Variants in ST6GALNAC3 observed in about 807,000 individuals in gnomAD.
ST6GALNAC3 encodes the protein ST6 N-acetylgalactosaminide alpha-2,6-sialyltransferase 3.
Under a neutral mutation model 32.7 loss-of-function variants are expected in ST6GALNAC3, and 25 were observed. The ratio of observed to expected loss-of-function variants is 0.76; its 90% CI spans 0.56 to 1.07. ST6GALNAC3 has a LOEUF of 1.07. Ranked by LOEUF, ST6GALNAC3 falls within the 50% of genes least tolerant of loss-of-function variation. The pLI, the probability that ST6GALNAC3 is intolerant of heterozygous loss-of-function variation, is 0.00. For missense variants in ST6GALNAC3, 355 were observed against 382.4 expected, an observed-to-expected ratio of 0.93 and a Z score of 0.60; for synonymous variants, 129 against 133.1, an observed-to-expected ratio of 0.97 and a Z score of 0.21.
At position 76,624,217 on chromosome 1, in the gene ST6GALNAC3, A is replaced by G. The variant is rs77699243; in HGVS notation, c.624-3235A>G. 2.4e-4 allele frequency among the ~76,000 whole-genome samples: 36 copies of G among 152,082 alleles called. No individual in the cohort carries two copies. The East Asian group carries it at 6.6e-3, about 28-fold the overall frequency. On this transcript the variant is annotated intron_variant, in intron 3 of 4. Transcript: ENST00000328299. The stretch of plus-strand genomic sequence containing the variant: ...TTGAGCTAATTAGCATGGCATGTCT[A>G]CACAGAAATAAAACAAATCAGGTTA...
At chr1:76,107,397 T>A (rs1350727051) in intron 1 of ST6GALNAC3, among the ~76,000 whole-genome samples, 2 of 151,708 alleles carry the variant, frequency 1.3e-5, no homozygotes, top group East Asian at 3.9e-4. Flanking sequence ...AAGAGTTAAA[T>A]AACTTGCCTA....
chr1:76,318,671 T>G (rs1480199587), intron 2 of ST6GALNAC3, among the ~76,000 whole-genome samples: 1 of 152,122 alleles, frequency 6.6e-6, no homozygotes, highest in Non-Finnish European at 1.5e-5. Flanking sequence ...AATTACTGTA[T>G]TATCAACTGG....
At chr1:76,454,744 C>A (rs1223301032) in intron 3 of ST6GALNAC3, among the ~76,000 whole-genome samples, 3 of 152,006 alleles carry the variant, frequency 2.0e-5, no homozygotes, top group African/African-American at 7.2e-5. Flanking sequence ...CTTTAGATAC[C>A]CTGATGACTA....
Position 76,427,459 on chromosome 1 carries a change from A to G in ST6GALNAC3, c.623+15042A>G, listed in dbSNP as rs80305628. Among the ~76,000 whole-genome samples, 120 of 152,144 alleles carry G rather than the reference A, an allele frequency of 7.9e-4. 3 individuals are homozygous for G. The East Asian group carries it at 0.021, about 27-fold the overall frequency. ...CCCCAAGTGTGTCTTACACATTCCT[A>G]TGCCTGGAGAACCAGTGACCCAATA... On this transcript the variant is annotated intron_variant, in intron 3 of 4. Transcript: ENST00000328299.
intron 3 of ST6GALNAC3, among the ~76,000 whole-genome samples, chr1:76,418,884 G>A (rs1654833520): frequency 6.6e-6 from 1 of 151,220 alleles, no homozygotes; most frequent in Non-Finnish European, 1.5e-5. Context: ...GGCATTCAGT[G>A]ACCTACATTA....
chr1:76,203,524 A>AT (rs35476496), intron 1 of ST6GALNAC3, among the ~76,000 whole-genome samples: 1 of 11,932 alleles, frequency 8.4e-5, no homozygotes, highest in African/African-American at 1.4e-4. Flanking sequence ...TGACTTGTGT[A>AT]TTTTTTTTGG....
At chr1:76,498,563 T>C (rs1238249307) in intron 3 of ST6GALNAC3, among the ~76,000 whole-genome samples, 1 of 152,204 alleles carries the variant, frequency 6.6e-6, no homozygotes, top group Non-Finnish European at 1.5e-5. Flanking sequence ...AAAGCTGCGC[T>C]ATTTTTCACC....
At chr1:76,157,586 A>G (rs548029653) in intron 1 of ST6GALNAC3, among the ~76,000 whole-genome samples, 1 of 152,192 alleles carries the variant, frequency 6.6e-6, no homozygotes, top group Non-Finnish European at 1.5e-5. Context: ...TTGTTCACAT[A>G]TGTACCACAG....
chr1:76,158,415 G>A (rs1447513538), intron 1 of ST6GALNAC3, among the ~76,000 whole-genome samples: 1 of 152,172 alleles, frequency 6.6e-6, no homozygotes, highest in African/African-American at 2.4e-5. Context: ...CCTCTGACAT[G>A]AAGGCACCTT....
At chr1:76,336,676 G>A (rs1454932244) in intron 2 of ST6GALNAC3, among the ~76,000 whole-genome samples, 1 of 152,098 alleles carries the variant, frequency 6.6e-6, no homozygotes. Context: ...GACATCTCAG[G>A]TTTTTTCTTC....
intron 2 of ST6GALNAC3, among the ~76,000 whole-genome samples, chr1:76,352,919 C>T (rs1649112727): frequency 6.6e-6 from 1 of 152,106 alleles, no homozygotes. Context: ...GGTTATATCA[C>T]CAAACCTGTC....
intron 2 of ST6GALNAC3, among the ~76,000 whole-genome samples, chr1:76,316,247 T>C (rs117032117): frequency 6.6e-6 from 1 of 152,102 alleles, no homozygotes; most frequent in Non-Finnish European, 1.5e-5. Context: ...AAGTTGAAGA[T>C]TTACATGCTG....
At chr1:76,584,752 T>C (rs1646936858) in intron 3 of ST6GALNAC3, among the ~76,000 whole-genome samples, 1 of 152,224 alleles carries the variant, frequency 6.6e-6, no homozygotes, top group Non-Finnish European at 1.5e-5. Context: ...TATCCACCAC[T>C]GAAATCATGC....
At chr1:76,309,470 T>C (rs1646713716) in intron 1 of ST6GALNAC3, among the ~76,000 whole-genome samples, 1 of 152,168 alleles carries the variant, frequency 6.6e-6, no homozygotes, top group Non-Finnish European at 1.5e-5. Context: ...TTCAGCGATG[T>C]GTAGCCTTCT....
chr1:76,564,835 G>A (rs1212517098), intron 3 of ST6GALNAC3, among the ~76,000 whole-genome samples: 2 of 151,930 alleles, frequency 1.3e-5, no homozygotes, highest in East Asian at 1.9e-4. Context: ...CGCCTGCTTC[G>A]GCCTCCCAAA....
At chr1:76,188,600 A>C (rs1653715508) in intron 1 of ST6GALNAC3, among the ~76,000 whole-genome samples, 1 of 152,192 alleles carries the variant, frequency 6.6e-6, no homozygotes, top group Non-Finnish European at 1.5e-5. Context: ...ATCCCTATAC[A>C]GTGGAAAATT....
chr1:76,604,900 T>A (rs1421008134), intron 3 of ST6GALNAC3, among the ~76,000 whole-genome samples: 1 of 152,204 alleles, frequency 6.6e-6, no homozygotes, highest in Non-Finnish European at 1.5e-5. Context: ...GGATTAGAGA[T>A]CTTTATTTTC....
At position 76,468,084 on chromosome 1, in the gene ST6GALNAC3, T is replaced by C. The variant is rs779580707; in HGVS notation, c.623+55667T>C. Among the ~76,000 whole-genome samples the C allele has an allele frequency of 6.8e-4, 103 of 152,030 alleles. 1 individual carries two copies. The highest frequency in any genetic ancestry group is 2.2e-4 in the Non-Finnish European group (15 of 67,890). On this transcript the variant is annotated intron_variant, in intron 3 of 4. Transcript: ENST00000328299. ...TGTCATATATACCAGAATCAATCAA[T>C]TCTTCCTTCTCTCCTTCTTTTCTTT...
chr1:76,523,037 G>A (rs1232951441), intron 3 of ST6GALNAC3, among the ~76,000 whole-genome samples: 3 of 152,264 alleles, frequency 2.0e-5, no homozygotes, highest in Middle Eastern at 3.4e-3. Flanking sequence ...CCATCCCCAT[G>A]TGTTCCAGTT....
Sources: allele counts gnomAD v4.1 joint callset (sites outside exome capture counted in the v4.1 genomes callset), GRCh38; gene constraint gnomAD v4.1.1; transcripts MANE v1.5; gene names NCBI Gene and HGNC (gene_info 2026-07-23, HGNC 2026-07-21).